Variants in KIAA0825 observed in about 807,000 individuals in gnomAD.
KIAA0825 encodes uncharacterized protein KIAA0825.
A neutral mutation model predicts 147.6 loss-of-function variants in KIAA0825; 119 were observed. That is an observed-to-expected ratio of 0.81 (90% CI 0.69 to 0.94). The LOEUF (loss-of-function observed/expected upper bound fraction) is 0.94, where lower values mean the gene tolerates loss of function less well. KIAA0825 is among the 40% of genes least tolerant of loss of function. The probability of loss-of-function intolerance (pLI) is 0.00; values close to 1 mark genes in which losing one functional copy is unlikely to be tolerated. For synonymous variants in KIAA0825, 470 were observed against 518.1 expected, an observed-to-expected ratio of 0.91 and a Z score of 1.26; for missense variants, 1,381 against 1,472.7, an observed-to-expected ratio of 0.94 and a Z score of 1.02.
At chr5:94,611,308 G>T (rs1271771105) in intron 1 of KIAA0825, among the ~76,000 whole-genome samples, 1 of 151,872 alleles carries the variant, frequency 6.6e-6, no homozygotes, top group Non-Finnish European at 1.5e-5. Flanking sequence ...TCATTTCCTC[G>T]TGTATGATAG....
intron 20 of KIAA0825, among the ~76,000 whole-genome samples, chr5:94,231,809 T>C (rs1463832217): frequency 8.5e-5 from 13 of 152,130 alleles, no homozygotes; most frequent in Non-Finnish European, 1.5e-5. Flanking sequence ...TTTTGGGACA[T>C]CCATTCCATG....
At chr5:94,326,756 A>G (rs1218709733) in intron 20 of KIAA0825, among the ~76,000 whole-genome samples, 1 of 152,228 alleles carries the variant, frequency 6.6e-6, no homozygotes, top group Admixed American at 6.5e-5. Flanking sequence ...TCCTTAGGAT[A>G]TAAAAATTAC....
intron 20 of KIAA0825, among the ~76,000 whole-genome samples, chr5:94,308,852 G>GGA (rs1385817569): frequency 7.0e-6 from 1 of 143,738 alleles, no homozygotes; most frequent in African/African-American, 2.4e-5. Flanking sequence ...CCTTCCAGAG[G>GGA]GAGAACTCTT....
chr5:94,383,880 C>T (rs1206801416), intron 20 of KIAA0825, among the ~76,000 whole-genome samples: 1 of 151,110 alleles, frequency 6.6e-6, no homozygotes, highest in Non-Finnish European at 1.5e-5. Context: ...ACCAACATAA[C>T]TGGCTGAAAA....
At chr5:94,212,109 T>A (rs1772762835) in intron 20 of KIAA0825, among the ~76,000 whole-genome samples, 1 of 152,210 alleles carries the variant, frequency 6.6e-6, no homozygotes, top group African/African-American at 2.4e-5. Flanking sequence ...CATATACTTG[T>A]GATACTTAGT....
At chr5:94,234,531 T>C (rs1163801774) in intron 20 of KIAA0825, among the ~76,000 whole-genome samples, 1 of 152,218 alleles carries the variant, frequency 6.6e-6, no homozygotes, top group Non-Finnish European at 1.5e-5. Flanking sequence ...GTGGTTTAAT[T>C]GGCTCATGGT....
chr5:94,488,683 T>C (rs1763352467), intron 5 of KIAA0825, among the ~76,000 whole-genome samples: 1 of 152,228 alleles, frequency 6.6e-6, no homozygotes, highest in Non-Finnish European at 1.5e-5. Flanking sequence ...TATTTATTTC[T>C]ATGCCACACT....
chr5:94,331,045 G>T (rs1781212535), intron 20 of KIAA0825, among the ~76,000 whole-genome samples: 1 of 151,972 alleles, frequency 6.6e-6, no homozygotes, highest in South Asian at 2.1e-4. Flanking sequence ...TGGTGAGGCA[G>T]GAGAATCGCT....
intron 20 of KIAA0825, among the ~76,000 whole-genome samples, chr5:94,272,289 G>A (rs1319577816): frequency 6.6e-6 from 1 of 151,862 alleles, no homozygotes; most frequent in Non-Finnish European, 1.5e-5. Context: ...GCACAACAGA[G>A]TGACTACACT....
At chr5:94,469,566 AAACAC>A (rs1435169975) in intron 10 of KIAA0825, among the ~76,000 whole-genome samples, 2 of 152,262 alleles carry the variant, frequency 1.3e-5, no homozygotes, top group Non-Finnish European at 2.9e-5. Context: ...GGTATTTATC[AAACAC>A]ATATGGAAAT....
At chr5:94,501,483 C>T (rs1459714732) in intron 5 of KIAA0825, among the ~76,000 whole-genome samples, 4 of 152,190 alleles carry the variant, frequency 2.6e-5, no homozygotes, top group Admixed American at 6.5e-5. Context: ...AGCTGGAATA[C>T]AAAGACAAGT....
At chr5:94,561,360 T>A (rs1168412441) in intron 2 of KIAA0825, among the ~76,000 whole-genome samples, 1 of 152,256 alleles carries the variant, frequency 6.6e-6, no homozygotes, top group Non-Finnish European at 1.5e-5. Flanking sequence ...TAAAACTGTA[T>A]GTATACTGCT....
At chr5:94,517,222 C>A (rs1290441637) in intron 5 of KIAA0825, among the ~76,000 whole-genome samples, 8 of 152,142 alleles carry the variant, frequency 5.3e-5, no homozygotes, top group African/African-American at 1.9e-4. Context: ...TAATTGCAAA[C>A]AGAGAAATCT....
At chr5:94,427,600 T>C (rs1450482015) in intron 14 of KIAA0825, among the ~76,000 whole-genome samples, 1 of 152,222 alleles carries the variant, frequency 6.6e-6, no homozygotes, top group African/African-American at 2.4e-5. Context: ...CTACTTTTTA[T>C]AAGATTTGTA....
At chr5:94,519,296 C>T in intron 5 of KIAA0825, 1 of 907,612 alleles carries the variant, frequency 1.1e-6, no homozygotes, top group Non-Finnish European at 1.3e-6. Context: ...ATCATAAATT[C>T]AAAGATCCAT....
chr5:94,547,162 G>A (rs112780608), intron 2 of KIAA0825, among the ~76,000 whole-genome samples: 2 of 151,746 alleles, frequency 1.3e-5, no homozygotes, highest in Non-Finnish European at 2.9e-5. Flanking sequence ...AAAATACACA[G>A]TCAGAGGAGA....
At chr5:94,537,250 C>T (rs1374896604) in intron 2 of KIAA0825, 123 bp from the exon 3 acceptor site, 18 of 628,224 alleles carry the variant, frequency 2.9e-5, no homozygotes, top group Non-Finnish European at 4.7e-5. Flanking sequence ...TATTTACAGG[C>T]ACAATGAAAT....
intron 15 of KIAA0825, among the ~76,000 whole-genome samples, chr5:94,410,286 A>G (rs1752592125): frequency 6.6e-6 from 1 of 152,044 alleles, no homozygotes; most frequent in African/African-American, 2.4e-5. Context: ...AAAAACAAAA[A>G]CAATACAAAA....
chr5:94,591,460 A>C (rs902851625), intron 1 of KIAA0825, among the ~76,000 whole-genome samples: 4 of 152,164 alleles, frequency 2.6e-5, no homozygotes, highest in African/African-American at 9.7e-5. Flanking sequence ...ATGTCTACAA[A>C]ACTATGAAAG....
Sources: gnomAD v4.1 joint callset for allele counts (sites outside exome capture counted in the v4.1 genomes callset) on GRCh38, gnomAD v4.1.1 for gene constraint, MANE v1.5 for transcripts, NCBI Gene and HGNC (gene_info 2026-07-23, HGNC 2026-07-21) for gene names.